The following SETD1A variants were observed in gnomAD, a reference collection of about 807,000 sequenced individuals.
SETD1A encodes the protein SET domain containing 1A, histone lysine methyltransferase.
A neutral mutation model predicts 149.9 loss-of-function variants in SETD1A; 29 were observed. The ratio of observed to expected loss-of-function variants is 0.19; its 90% CI spans 0.14 to 0.26. SETD1A has a LOEUF of 0.26. Ranked by LOEUF, SETD1A falls within the 10% of genes least tolerant of loss-of-function variation. The pLI, the probability that SETD1A is intolerant of heterozygous loss-of-function variation, is 1.00. For missense variants in SETD1A, 2,109 were observed against 2,353.1 expected (o/e 0.90, Z 2.15); for synonymous variants, 1,141 against 968.5 (o/e 1.18, Z -3.31).
In SETD1A at chr16:30,980,158, G is replaced by T; in HGVS notation, c.4372G>T (p.Asp1458Tyr). Residue 1458 changes from aspartate to tyrosine, a missense_variant, in exon 14 of 19, where the codon GAC (aspartate) becomes TAC (tyrosine). Coordinates refer to ENST00000262519, the MANE Select transcript of SETD1A (RefSeq NM_014712.3). The surrounding 1 kb of genome is among the most constrained non-coding windows in gnomAD (Gnocchi z 7.7). ...ERLLQQTSGA[D>Y]WLNDTHWVHH... is the part of the protein sequence containing the mutation. ...GCTGCTGCAGCAGACAAGCGGGGCT[G>T]ACTGGCTCAACGACACTCACTGGGT... 6.2e-7 allele frequency: 1 copy of T among 1,609,822 alleles called. No individual in the cohort carries two copies. Among genetic ancestry groups the T allele is most frequent in the Non-Finnish European group, 8.5e-7 (1 of 1,178,510 alleles).
In SETD1A at chr16:30,980,176, C is replaced by T; in HGVS notation, c.4390C>T (p.His1464Tyr). 1 of 1,608,382 alleles carries T rather than the reference C, an allele frequency of 6.2e-7. No homozygotes were observed. The highest frequency in any genetic ancestry group is 1.3e-5 in the African/African-American group (1 of 74,850). The change falls in exon 14 of 19, where the codon CAC becomes TAC. Residue 1464 changes from histidine (H) to tyrosine (Y), a missense_variant. Physicochemically the swap from His to Tyr is moderately conservative, Grantham distance 83. Transcript: ENST00000262519. The surrounding 1 kb of genome is among the most constrained non-coding windows in gnomAD (Gnocchi z 7.7). The stretch of plus-strand genomic sequence containing the variant: ...CGGGGCTGACTGGCTCAACGACACT[C>T]ACTGGGTCCATCACACAAATATCCT... ...TSGADWLNDTHWVHHTITNLT... is the reference protein window; with the variant it reads ...TSGADWLNDTYWVHHTITNLT...
Position 30,980,726 on chromosome 16 carries a change from G to C in SETD1A, c.4582-13G>C. The C allele has an allele frequency of 6.2e-7, 1 of 1,611,730 alleles. No homozygotes were observed. Among genetic ancestry groups the C allele is most frequent in the Admixed American group, 1.7e-5 (1 of 59,946 alleles). ...CTGCCCTGCTCACCTCCTCCCTGCC[G>C]TGTGTCTCACAGGGGACGAACCGCG... On this transcript the variant is annotated splice_polypyrimidine_tract_variant and intron_variant, in intron 15 of 18. Coordinates refer to ENST00000262519, the MANE Select transcript of SETD1A (RefSeq NM_014712.3). This position sits in a 1 kb window ranked among gnomAD's most constrained non-coding sequence, Gnocchi z 7.7.
chr16:30,980,426 CCTT>C lies in SETD1A; in HGVS notation c.4409-58_4409-56del, dbSNP rs2056357847. 1.2e-5 allele frequency: 19 copies of C among 1,565,884 alleles called. No individual in the cohort carries two copies. The highest frequency in any genetic ancestry group is 1.8e-5 in the Admixed American group (1 of 55,320). On this transcript the variant is annotated intron_variant, in intron 14 of 18. Transcript: ENST00000262519. The surrounding 1 kb of genome is among the most constrained non-coding windows in gnomAD (Gnocchi z 7.7). ...CTCAGCGGCGTGGGCCCCGCCCTCT[CCTT>C]TGGCTGGGACGCAGGTGGCCAGAGA...
rs2056414861 is a variant in SETD1A at position 30,983,701 on chromosome 16, G to A, written c.4879G>A (p.Val1627Met). Residue 1627 changes from valine (V) to methionine (M), a missense_variant, in exon 18 of 19, where the codon GTG becomes ATG. Physicochemically the swap from Val to Met is conservative, Grantham distance 21 (BLOSUM62 1). Around this residue, in one of 8 missense-constraint regions of SETD1A, gnomAD observed 254 missense variants for 409.3 expected, o/e 0.62. Transcript: ENST00000262519. The surrounding 1 kb of genome is among the most constrained non-coding windows in gnomAD (Gnocchi z 6.8). ...CATTGGCAGCAGCTACCTGTTCCGG[G>A]TGGACCACGACACCATCATCGATGC... ...EGIGSSYLFR[V>M]DHDTIIDATK... The A allele has an allele frequency of 6.2e-7, 1 of 1,614,100 alleles. No individual in the cohort carries two copies. The highest frequency in any genetic ancestry group is 8.5e-7 in the Non-Finnish European group (1 of 1,179,986).
At chr16:30,959,035 G>A in intron 2 of SETD1A, 56 bp from the exon 3 acceptor site, 1 of 1,481,040 alleles carries the variant, frequency 6.8e-7, no homozygotes. Context: ...GCTGCTTGGA[G>A]CTCCCTAGCC....
Position 30,966,138 on chromosome 16 carries a change from C to G in SETD1A, c.2257C>G (p.Pro753Ala), listed in dbSNP as rs1417528691. The G allele has an allele frequency of 6.2e-7, 1 of 1,603,970 alleles. No homozygotes were observed. Among genetic ancestry groups the G allele is most frequent in the Admixed American group, 1.7e-5 (1 of 59,516 alleles). ...ACGGGAGGCCTACCACCTGCCCATG[C>G]CAATGGCAGCCGAGCCCCTGCCCTC... is the stretch of plus-strand genomic sequence containing the variant. ...YSREAYHLPM[P>A]MAAEPLPSSS... Residue 753 changes from proline to alanine, a missense_variant, in exon 8 of 19, where the codon CCA (proline) becomes GCA (alanine). Transcript: ENST00000262519.
At position 30,958,769 on chromosome 16, in the gene SETD1A, C is replaced by T. The variant is rs1160959011; in HGVS notation, c.38C>T (p.Pro13Leu). ...GGTGGGGGAGATGGGCAGAAGGCCC[C>T]GAGCTTCCAGTGGCGGAACTACAAG... ...QEGGGDGQKA[P>L]SFQWRNYKLI... The change falls in exon 2 of 19, where the codon CCG (proline) becomes CTG (leucine). Residue 13 changes from proline (P) to leucine (L), a missense_variant. Pro to Leu is a moderately conservative substitution (Grantham distance 98). This residue lies in a region of SETD1A where 75 missense variants were observed against 95.3 expected (regional missense o/e 0.79). Transcript: ENST00000262519. 1.9e-6 allele frequency: 3 copies of T among 1,614,156 alleles called. No homozygotes were observed. The highest frequency in any genetic ancestry group is 1.7e-6 in the Non-Finnish European group (2 of 1,179,980).
intron 13 of SETD1A, among the ~76,000 whole-genome samples, chr16:30,973,296 G>A (rs2056246857): frequency 6.6e-6 from 1 of 152,188 alleles, no homozygotes. Flanking sequence ...AGTGGATGTA[G>A]GGCGCTTCTT....
chr16:30,959,254 A>T, intron 3 of SETD1A, 68 bp downstream of exon 3: 1 of 1,014,662 alleles, frequency 9.9e-7, no homozygotes, highest in East Asian at 2.4e-5. Context: ...TTGGCACTAT[A>T]GCTGAATAAA....
At chr16:30,972,084 G>C (rs2056232666) in intron 13 of SETD1A, among the ~76,000 whole-genome samples, 1 of 152,220 alleles carries the variant, frequency 6.6e-6, no homozygotes, top group African/African-American at 2.4e-5. Context: ...CAAATAGGTA[G>C]AAAACAAGTA....
At chr16:30,969,793 T>C in intron 12 of SETD1A, 104 bp downstream of exon 12, 1 of 906,188 alleles carries the variant, frequency 1.1e-6, no homozygotes, top group Non-Finnish European at 1.8e-6. Flanking sequence ...GGCTTGTGGG[T>C]CACCTTTGCC....
In SETD1A at chr16:30,979,712, C is replaced by T. The variant is rs755690218; in HGVS notation, c.3926C>T (p.Thr1309Met). The T allele has an allele frequency of 3.1e-5, 49 of 1,601,518 alleles. No homozygotes were observed. The highest frequency in any genetic ancestry group is 1.6e-4 in the Middle Eastern group (1 of 6,066). Reference sequence around the variant, plus strand: ...AACTATGCCCTGGCCGTCAAGCCCACGCCCCCTGCGCCAGCCCTGCGGCCC... The same window carrying T: ...AACTATGCCCTGGCCGTCAAGCCCATGCCCCCTGCGCCAGCCCTGCGGCCC... ...EHNYALAVKP[T>M]PPAPALRPPE... Residue 1309 changes from threonine (T) to methionine (M), a missense_variant, in exon 14 of 19, where the codon ACG (threonine) becomes ATG (methionine). Coordinates refer to ENST00000262519, the MANE Select transcript of SETD1A (RefSeq NM_014712.3).
chr16:30,980,469 C>T lies in SETD1A; in HGVS notation c.4409-16C>T, dbSNP rs1411612250. On this transcript the variant is annotated splice_polypyrimidine_tract_variant and intron_variant, in intron 14 of 18. Transcript: ENST00000262519. The surrounding 1 kb of genome is among the most constrained non-coding windows in gnomAD (Gnocchi z 7.7). Reference sequence around the variant, plus strand: ...GTGGCCAGAGAGGAGCCGTTCTCTTCCTTAACACCCTGCACTCACCAACCT... The same window carrying T: ...GTGGCCAGAGAGGAGCCGTTCTCTTTCTTAACACCCTGCACTCACCAACCT... The T allele has an allele frequency of 1.6e-5, 25 of 1,608,578 alleles. No homozygotes were observed. The highest frequency in any genetic ancestry group is 2.0e-5 in the Non-Finnish European group (24 of 1,177,012).
rs1257519050 is a variant in SETD1A, at chr16:30,958,165, G to GT, written c.-16+201_-16+202insT. On this transcript the variant is annotated intron_variant, in intron 1 of 18. Transcript: ENST00000262519. ...CGGCGCGCGTGCGCGGAGACCTGCT[G>GT]GGGGGGGTGCAGAACGCGCCGGGGC... 4.5e-5 allele frequency: 5 copies of GT among 110,870 alleles called. 1 individual carries two copies. In the South Asian group the frequency reaches 2.1e-3, roughly 47 times the overall value. 6.9% of individuals were successfully genotyped at this position (110,870 alleles called of 1,614,324 possible).
chr16:30,958,262 G>T (rs1214595391), intron 1 of SETD1A: 1 of 152,534 alleles, frequency 6.6e-6, no homozygotes, highest in African/African-American at 2.4e-5. Context: ...CGGGTCTCGG[G>T]CTCGGTCTCG....
chr16:30,968,590 CAA>C (rs2056183050), intron 10 of SETD1A, among the ~76,000 whole-genome samples: 1 of 151,900 alleles, frequency 6.6e-6, no homozygotes, highest in Admixed American at 6.6e-5. Flanking sequence ...ATCACAAGGT[CAA>C]GAGATCGAGA....
At position 30,967,627 on chromosome 16, in the gene SETD1A, G is replaced by A. The variant is rs74870279; in HGVS notation, c.2770+39G>A. 2.1e-3 allele frequency: 3,260 copies of A among 1,572,714 alleles called. 50 individuals carry two copies. In the African/African-American group the frequency reaches 0.038, roughly 18 times the overall value. ...GGCATAAGGAGAAGGGGTGTGCTGC[G>A]TGGGTTCTGATGGGAGAGCAAGAGG... On this transcript the variant is annotated intron_variant, in intron 10 of 18. Transcript: ENST00000262519.
chr16:30,961,620 C>A lies in SETD1A; in HGVS notation c.517+83C>A, dbSNP rs1488714366. Reference sequence around the variant, plus strand: ...AATGCCTGTCAGGGTCAGGCAGGCGCCCAGGGTCATGATCTGAAACTGCTG... The same window carrying A: ...AATGCCTGTCAGGGTCAGGCAGGCGACCAGGGTCATGATCTGAAACTGCTG... On this transcript the variant is annotated intron_variant, in intron 4 of 18. Coordinates refer to ENST00000262519, the MANE Select transcript of SETD1A (RefSeq NM_014712.3). This position sits in a 1 kb window ranked among gnomAD's most constrained non-coding sequence, Gnocchi z 4.0. 1.5e-6 allele frequency: 2 copies of A among 1,358,222 alleles called. No individual in the cohort carries two copies. The highest frequency in any genetic ancestry group is 2.1e-6 in the Non-Finnish European group (2 of 975,520). 84.1% of individuals were successfully genotyped at this position (1,358,222 alleles called of 1,614,324 possible). A position where few individuals can be genotyped will look rare whatever the true frequency, so the allele number is the denominator to read the frequency against.
Position 30,964,881 on chromosome 16 carries a change from C to T in SETD1A, c.1139C>T (p.Thr380Ile), listed in dbSNP as rs2056114795. ...YESWNRYQRH[T>I]SYPPRRATRE... ...AGCTGGAATCGCTACCAGCGCCATA[C>T]TTCCTACCCACCACGCCGGGCCACA... is the stretch of plus-strand genomic sequence containing the variant. Residue 380 changes from threonine (T) to isoleucine (I), a missense_variant, in exon 7 of 19, where the codon ACT becomes ATT. Physicochemically the swap from Thr to Ile is moderately conservative, Grantham distance 89 (BLOSUM62 -1). Transcript: ENST00000262519. The T allele has an allele frequency of 3.7e-6, 6 of 1,614,230 alleles. No individual in the cohort carries two copies. The highest frequency in any genetic ancestry group is 5.1e-6 in the Non-Finnish European group (6 of 1,180,046).
Sources: gnomAD v4.1 joint callset for allele counts (sites outside exome capture counted in the v4.1 genomes callset) on GRCh38, gnomAD v4.1.1 for gene constraint, gnomAD v4.1.1 regional missense constraint, Gnocchi (gnomAD v3.1) non-coding constraint, MANE v1.5 for transcripts, NCBI Gene and HGNC (gene_info 2026-07-23, HGNC 2026-07-21) for gene names.